The following CFAP77 variants were observed in gnomAD, a reference collection of about 807,000 sequenced individuals.
CFAP77 encodes the protein cilia- and flagella-associated protein 77.
A neutral mutation model predicts 31.1 loss-of-function variants in CFAP77; 25 were observed. The observed-to-expected ratio is 0.80, with a 90% CI of 0.59 to 1.12. The LOEUF is 1.12. Ranked by LOEUF, CFAP77 falls within the 50% of genes most tolerant of loss-of-function variation. CFAP77 has a pLI of 0.00. For synonymous variants in CFAP77, 151 were observed against 159.9 expected (o/e 0.94, Z 0.42); for missense variants, 377 against 397.3 (o/e 0.95, Z 0.44).
chr9:132,419,615 A>G (rs571158174), intron 1 of CFAP77, among the ~76,000 whole-genome samples: 16 of 152,350 alleles, frequency 1.1e-4, no homozygotes, highest in Admixed American at 2.6e-4. Context: ...TAATATTCCC[A>G]TTATGTAGAA....
At chr9:132,487,984 A>G (rs1851591083) in intron 1 of CFAP77, among the ~76,000 whole-genome samples, 1 of 152,178 alleles carries the variant, frequency 6.6e-6, no homozygotes, top group South Asian at 2.1e-4. Context: ...GCAAAATGGT[A>G]TGTGTGTGCC....
At chr9:132,533,401 C>T (rs1209025601) in intron 3 of CFAP77, among the ~76,000 whole-genome samples, 1 of 151,944 alleles carries the variant, frequency 6.6e-6, no homozygotes, top group Non-Finnish European at 1.5e-5. Context: ...ATGATTCTCT[C>T]ACAATTCTGG....
intron 3 of CFAP77, among the ~76,000 whole-genome samples, chr9:132,521,262 T>C (rs1260582644): frequency 6.6e-6 from 1 of 152,190 alleles, no homozygotes; most frequent in Admixed American, 6.5e-5. Context: ...GCACCCGTCC[T>C]GAAGGATATC....
chr9:132,445,209 G>A (rs1282414194), intron 1 of CFAP77, among the ~76,000 whole-genome samples: 2 of 151,994 alleles, frequency 1.3e-5, no homozygotes, highest in African/African-American at 4.8e-5. Flanking sequence ...CCCAACCTCA[G>A]GTGATCTGCC....
chr9:132,503,970 T>C (rs1168282317), intron 3 of CFAP77, among the ~76,000 whole-genome samples: 1 of 151,888 alleles, frequency 6.6e-6, no homozygotes, highest in African/African-American at 2.4e-5. Context: ...ACCTGGGCGG[T>C]GGAGGTTGCA....
chr9:132,539,428 C>A lies in CFAP77; in HGVS notation c.630+1722C>A, dbSNP rs112580481. Among the ~76,000 whole-genome samples the A allele has an allele frequency of 1.3e-5, 2 of 152,062 alleles. No homozygotes were observed. Among genetic ancestry groups the A allele is most frequent in the African/African-American group, 2.4e-5 (1 of 41,382 alleles). On this transcript the variant is annotated intron_variant, in intron 4 of 5. Transcript: ENST00000393216. The surrounding 1 kb of genome is among the most constrained non-coding windows in gnomAD (Gnocchi z 4.3). Reference sequence around the variant, plus strand: ...TATCATCTCAGTTTGGTTTATTTCACGGGGAAACTAGGGCTCAGAGAGATG... The same window carrying A: ...TATCATCTCAGTTTGGTTTATTTCAAGGGGAAACTAGGGCTCAGAGAGATG...
chr9:132,453,525 C>CA (rs778048099), intron 1 of CFAP77, among the ~76,000 whole-genome samples: 1 of 152,052 alleles, frequency 6.6e-6, no homozygotes, highest in South Asian at 2.1e-4. Context: ...GACTCCGTCT[C>CA]AAAAAATAAA....
At chr9:132,496,824 G>C (rs141441635) in intron 1 of CFAP77, among the ~76,000 whole-genome samples, 4 of 152,300 alleles carry the variant, frequency 2.6e-5, no homozygotes, top group African/African-American at 9.6e-5. Context: ...GTGCCAACAG[G>C]AAAAAGAAGG....
Position 132,481,426 on chromosome 9 carries a change from C to T in CFAP77, c.196-17269C>T, listed in dbSNP as rs541200972. On this transcript the variant is annotated intron_variant, in intron 1 of 5. Coordinates refer to ENST00000393216, the MANE Select transcript of CFAP77 (RefSeq NM_001282957.2). The surrounding 1 kb of genome is among the most constrained non-coding windows in gnomAD (Gnocchi z 5.0). The stretch of plus-strand genomic sequence containing the variant: ...TTTCCCTTTGACTAGCCGCCTAATC[C>T]TCGAACTCACTCCTTACACTCCTCC... 4.6e-5 allele frequency among the ~76,000 whole-genome samples: 7 copies of T among 152,342 alleles called. No individual in the cohort carries two copies. In the South Asian group the frequency reaches 1.5e-3, roughly 32 times the overall value.
Position 132,424,832 on chromosome 9 carries a change from T to TC in CFAP77, c.195+14371dup, listed in dbSNP as rs1199675787. Among the ~76,000 whole-genome samples, 1 of 152,110 alleles carries TC rather than the reference T, an allele frequency of 6.6e-6. No individual in the cohort carries two copies. The highest frequency in any genetic ancestry group is 1.9e-4 in the East Asian group (1 of 5,194). On this transcript the variant is annotated intron_variant, in intron 1 of 5. Transcript: ENST00000393216. This position sits in a 1 kb window ranked among gnomAD's most constrained non-coding sequence, Gnocchi z 4.1. Reference sequence around the variant, plus strand: ...TCCATCAAGGCTGAGCAGAGCGGCCTCCCCCTTTTCAAAGGAAAGGCATCC... The same window carrying TC: ...TCCATCAAGGCTGAGCAGAGCGGCCTCCCCCCTTTTCAAAGGAAAGGCATCC...
intron 3 of CFAP77, among the ~76,000 whole-genome samples, chr9:132,505,255 C>T (rs1851913485): frequency 6.6e-6 from 1 of 152,202 alleles, no homozygotes. Context: ...GTGAGGGGTG[C>T]ACCCCCTCTT....
chr9:132,419,344 G>T lies in CFAP77; in HGVS notation c.195+8878G>T, dbSNP rs532218674. ...TGTGGCATTAGTGAGAGGACACACCGCTGCCAGGTGGCTGGTTGTTTGTAA... is the reference window on the plus strand; with the variant it reads ...TGTGGCATTAGTGAGAGGACACACCTCTGCCAGGTGGCTGGTTGTTTGTAA... On this transcript the variant is annotated intron_variant, in intron 1 of 5. Transcript: ENST00000393216. Among the ~76,000 whole-genome samples the T allele has an allele frequency of 7.4e-4, 112 of 152,288 alleles. 2 individuals are homozygous for T. Among genetic ancestry groups the T allele is most frequent in the African/African-American group, 2.6e-3 (109 of 41,560 alleles).
At chr9:132,519,752 G>GTGGA (rs1489025300) in intron 3 of CFAP77, among the ~76,000 whole-genome samples, 2 of 127,008 alleles carry the variant, frequency 1.6e-5, no homozygotes, top group African/African-American at 3.0e-5. Flanking sequence ...GGATGGATGG[G>GTGGA]TGGATGGATG....
chr9:132,532,447 A>G (rs1485371088), intron 3 of CFAP77, among the ~76,000 whole-genome samples: 4 of 152,208 alleles, frequency 2.6e-5, no homozygotes, highest in African/African-American at 7.2e-5. Flanking sequence ...GCGCCGGCCA[A>G]TTGCTGCAGC....
At chr9:132,425,520 A>G (rs572456464) in intron 1 of CFAP77, among the ~76,000 whole-genome samples, 36 of 152,248 alleles carry the variant, frequency 2.4e-4, no homozygotes, top group African/African-American at 8.2e-4. Flanking sequence ...TCTTAGCAGA[A>G]CAAAGAAGCG....
At chr9:132,446,043 G>A (rs140271962) in intron 1 of CFAP77, among the ~76,000 whole-genome samples, 1 of 152,154 alleles carries the variant, frequency 6.6e-6, no homozygotes, top group East Asian at 1.9e-4. Flanking sequence ...GGCGTTTGCT[G>A]TTGACCCTTA....
intron 1 of CFAP77, among the ~76,000 whole-genome samples, chr9:132,423,404 C>A (rs964145653): frequency 6.6e-6 from 1 of 152,186 alleles, no homozygotes. Context: ...TCCAGTTTGC[C>A]CACTGACAGC....
intron 3 of CFAP77, among the ~76,000 whole-genome samples, chr9:132,521,856 T>TCTGCG (rs1852272948): frequency 7.5e-6 from 1 of 132,658 alleles, no homozygotes; most frequent in African/African-American, 2.9e-5. Context: ...AACCTCTGCC[T>TCTGCG]CCCGGGTTCA....
intron 1 of CFAP77, among the ~76,000 whole-genome samples, chr9:132,427,131 G>A (rs1374334418): frequency 6.6e-6 from 1 of 152,204 alleles, no homozygotes; most frequent in African/African-American, 2.4e-5. Flanking sequence ...AGACACAGGT[G>A]GGCCAGCCTT....
Sources: allele counts gnomAD v4.1 joint callset (sites outside exome capture counted in the v4.1 genomes callset), GRCh38; gene constraint gnomAD v4.1.1; non-coding constraint Gnocchi (gnomAD v3.1); transcripts MANE v1.5; gene names NCBI Gene and HGNC (gene_info 2026-07-23, HGNC 2026-07-21).